Variants in KCNQ4 observed in about 807,000 individuals in gnomAD.
KCNQ4 encodes potassium voltage-gated channel subfamily KQT member 4.
A neutral mutation model predicts 72.6 loss-of-function variants in KCNQ4; 31 were observed. The ratio of observed to expected loss-of-function variants is 0.43; its 90% confidence interval spans 0.32 to 0.58. KCNQ4 has a LOEUF of 0.58. KCNQ4 is among the 20% of genes least tolerant of loss of function. The probability of loss-of-function intolerance (pLI) is 0.08; values close to 1 mark genes in which losing one functional copy is unlikely to be tolerated. For synonymous variants in KCNQ4, 405 were observed against 403.7 expected, an observed-to-expected ratio of 1.00 and a Z score of -0.04; for missense variants, 869 against 962.6, an observed-to-expected ratio of 0.90 and a Z score of 1.29.
At position 40,838,549 on chromosome 1, in the gene KCNQ4, C is replaced by A; in HGVS notation, c.*26C>A. 2 of 1,606,952 alleles carry A rather than the reference C, an allele frequency of 1.2e-6. No homozygotes were observed. The highest frequency in any genetic ancestry group is 1.7e-4 in the Middle Eastern group (1 of 6,056). ...GGGACTTCTCAGAGGCAGGGCAGCA[C>A]ACGGCCAGCCCCGCGGCCTGGCGCT... On this transcript the variant is annotated 3_prime_UTR_variant, in exon 14 of 14. Transcript: ENST00000347132.
intron 1 of KCNQ4, among the ~76,000 whole-genome samples, chr1:40,812,044 A>G (rs536425494): frequency 2.6e-5 from 4 of 152,086 alleles, no homozygotes; most frequent in South Asian, 4.2e-4. Context: ...TCTACCCCTG[A>G]CCTCCAGATA....
chr1:40,790,691 C>T (rs960898661), intron 1 of KCNQ4, among the ~76,000 whole-genome samples: 1 of 152,244 alleles, frequency 6.6e-6, no homozygotes, highest in Non-Finnish European at 1.5e-5. Context: ...TGATTTGTTT[C>T]TTCCTTCATC....
rs200426006 is a variant in KCNQ4, at chr1:40,824,270, G to A, written c.1292+12G>A. 4.7e-4 allele frequency: 749 copies of A among 1,603,776 alleles called. 3 individuals are homozygous for A. In the African/African-American group the frequency reaches 6.3e-3, roughly 14 times the overall value. On this transcript the variant is annotated intron_variant, in intron 9 of 13. Transcript: ENST00000347132. ...TGCCCTGGGGAAAGGTAGGGGCCCCGTGGGGCTGCCACCTCCTCTTGCTTC... is the reference window on the plus strand; with the variant it reads ...TGCCCTGGGGAAAGGTAGGGGCCCCATGGGGCTGCCACCTCCTCTTGCTTC...
intron 1 of KCNQ4, among the ~76,000 whole-genome samples, chr1:40,796,165 G>T (rs1647402752): frequency 6.6e-6 from 1 of 152,082 alleles, no homozygotes; most frequent in Non-Finnish European, 1.5e-5. Context: ...GACTGTGGTG[G>T]GGGGCCGAGG....
At chr1:40,799,307 A>C (rs1647506092) in intron 1 of KCNQ4, among the ~76,000 whole-genome samples, 1 of 152,218 alleles carries the variant, frequency 6.6e-6, no homozygotes, top group Non-Finnish European at 1.5e-5. Context: ...GGTTTAGGGC[A>C]CATGTTGGGG....
intron 1 of KCNQ4, among the ~76,000 whole-genome samples, chr1:40,790,029 C>T (rs1372186927): frequency 6.6e-6 from 1 of 152,180 alleles, no homozygotes; most frequent in East Asian, 1.9e-4. Flanking sequence ...GGGGAAGCTC[C>T]TAGTGTGGGA....
rs182312515 is a variant in KCNQ4 at position 40,827,671 on chromosome 1, T to C, written c.1292+3413T>C. Among the ~76,000 whole-genome samples, 234 of 152,290 alleles carry C rather than the reference T, an allele frequency of 1.5e-3. 6 individuals are homozygous for C. The highest frequency in any genetic ancestry group is 1.0e-4 in the Non-Finnish European group (7 of 68,018). Reference sequence around the variant, plus strand: ...GAGTGGCAGGGCTCCTGGCTGCCCATGTGTGCTTCTGCTGAGAGGTGTTTT... The same window carrying C: ...GAGTGGCAGGGCTCCTGGCTGCCCACGTGTGCTTCTGCTGAGAGGTGTTTT... On this transcript the variant is annotated intron_variant, in intron 9 of 13. Coordinates refer to ENST00000347132, the MANE Select transcript of KCNQ4 (RefSeq NM_004700.4).
At chr1:40,810,468 C>A (rs1647902879) in intron 1 of KCNQ4, among the ~76,000 whole-genome samples, 1 of 152,164 alleles carries the variant, frequency 6.6e-6, no homozygotes, top group South Asian at 2.1e-4. Flanking sequence ...TCTGGTTTTA[C>A]AATAAACCTG....
chr1:40,810,042 A>G (rs1647880351), intron 1 of KCNQ4, among the ~76,000 whole-genome samples: 1 of 135,142 alleles, frequency 7.4e-6, no homozygotes, highest in Non-Finnish European at 1.6e-5. Flanking sequence ...CCTGGGCGAC[A>G]GAGTGAGACT....
chr1:40,790,559 C>T (rs549419781), intron 1 of KCNQ4, among the ~76,000 whole-genome samples: 1 of 152,328 alleles, frequency 6.6e-6, no homozygotes, highest in African/African-American at 2.4e-5. Context: ...GTGTAACGCT[C>T]ACAGCCATCT....
chr1:40,829,506 A>T (rs1046996897), intron 9 of KCNQ4, among the ~76,000 whole-genome samples: 3 of 151,940 alleles, frequency 2.0e-5, no homozygotes, highest in Non-Finnish European at 4.4e-5. Context: ...CATCCTGGCC[A>T]CCTTCCTGAA....
rs1308910777 is a variant in KCNQ4, at chr1:40,837,608, T to G, written c.1746-57T>G. 4.4e-6 allele frequency: 7 copies of G among 1,585,258 alleles called. No individual in the cohort carries two copies. The East Asian group carries it at 1.6e-4, about 36-fold the overall frequency. ...TCCTTCATCAGGCAACCTATAATTC[T>G]TGTGGAAGGGAGGGACGGCGTGTCC... On this transcript the variant is annotated intron_variant, in intron 12 of 13. Transcript: ENST00000347132.
At chr1:40,818,097 T>C in intron 2 of KCNQ4, 67 bp from the exon 3 acceptor site, 2 of 1,609,258 alleles carry the variant, frequency 1.2e-6, no homozygotes, top group Non-Finnish European at 1.7e-6. Flanking sequence ...CTTGGCTGGG[T>C]CCGCGCTGTG....
intron 9 of KCNQ4, among the ~76,000 whole-genome samples, chr1:40,829,539 C>G (rs1038177660): frequency 6.6e-6 from 1 of 152,100 alleles, no homozygotes; most frequent in Non-Finnish European, 1.5e-5. Flanking sequence ...TTCGAGGTCT[C>G]CCTCACTTCA....
intron 1 of KCNQ4, among the ~76,000 whole-genome samples, chr1:40,785,358 AC>A (rs1024950392): frequency 6.6e-6 from 1 of 152,184 alleles, no homozygotes; most frequent in African/African-American, 2.4e-5. Context: ...TGACGCTGGG[AC>A]GCTCAGAGGT....
chr1:40,833,114 G>A lies in KCNQ4; in HGVS notation c.1613+1G>A. 6.2e-7 allele frequency: 1 copy of A among 1,608,754 alleles called. No individual in the cohort carries two copies. Among genetic ancestry groups the A allele is most frequent in the Non-Finnish European group, 8.5e-7 (1 of 1,178,208 alleles). ...TGAAGACAGTCATCCGCTCCATCAG[G>A]TAAGACTGAGGCCTGAGGCGAGCAC... is the stretch of plus-strand genomic sequence containing the variant. On this transcript the variant is annotated splice_donor_variant, in intron 11 of 13. Coordinates refer to ENST00000347132, the MANE Select transcript of KCNQ4 (RefSeq NM_004700.4). LOFTEE classifies it high-confidence loss of function.
rs1253735796 is a variant in KCNQ4, at chr1:40,794,192, T to C, written c.314+9785T>C. ...AGAGCAAAGGCCTTGAGATGGGACTTCCTTCCCCTCACTCCTTTGCCCCAA... is the reference window on the plus strand; with the variant it reads ...AGAGCAAAGGCCTTGAGATGGGACTCCCTTCCCCTCACTCCTTTGCCCCAA... On this transcript the variant is annotated intron_variant, in intron 1 of 13. Transcript: ENST00000347132. This position sits in a 1 kb window ranked among gnomAD's most constrained non-coding sequence, Gnocchi z 4.2. Among the ~76,000 whole-genome samples, 1 of 152,112 alleles carries C rather than the reference T, an allele frequency of 6.6e-6. No individual in the cohort carries two copies. Among genetic ancestry groups the C allele is most frequent in the African/African-American group, 2.4e-5 (1 of 41,406 alleles).
rs1316637735 is a variant in KCNQ4, at chr1:40,838,512, A to T, written c.2077A>T (p.Asn693Tyr). ...CAGCATCTCCCGCTCGGTCAGCACC[A>T]ACATGGACTGAGGGACTTCTCAGAG... is the stretch of plus-strand genomic sequence containing the variant. ...TLSISRSVST[N>Y]MD Residue 693 changes from asparagine (N) to tyrosine (Y), a missense_variant, in exon 14 of 14, where the codon AAC (asparagine) becomes TAC (tyrosine). By Grantham distance (143) the Asn-to-Tyr change is moderately radical (BLOSUM62 -2). Transcript: ENST00000347132. 3 of 1,614,058 alleles carry T rather than the reference A, an allele frequency of 1.9e-6. No individual in the cohort carries two copies. Among genetic ancestry groups the T allele is most frequent in the Middle Eastern group, 1.6e-4 (1 of 6,062 alleles).
In KCNQ4 at chr1:40,820,437, C is replaced by A. The variant is rs79552281; in HGVS notation, c.1041+177C>A. The stretch of plus-strand genomic sequence containing the variant: ...GTCACACACAGAGCCAGGATGCTCA[C>A]TGACAGTGCCAGAAACTTCCCCCTG... On this transcript the variant is annotated intron_variant, in intron 7 of 13. Transcript: ENST00000347132. Among the ~76,000 whole-genome samples the A allele has an allele frequency of 6.1e-3, 936 of 152,364 alleles. 11 individuals are homozygous for A. The highest frequency in any genetic ancestry group is 0.022 in the African/African-American group (899 of 41,582).
Sources: allele counts gnomAD v4.1 joint callset (sites outside exome capture counted in the v4.1 genomes callset), GRCh38; gene constraint gnomAD v4.1.1; non-coding constraint Gnocchi (gnomAD v3.1); transcripts MANE v1.5; gene names NCBI Gene and HGNC (gene_info 2026-07-23, HGNC 2026-07-21).